MUC6: variants seen among roughly 807,000 people sequenced by gnomAD.
MUC6 encodes mucin-6.
In MUC6, 188 loss-of-function variants were observed where a neutral mutation model predicts 201.5. That is an observed-to-expected ratio of 0.93 (90% CI 0.83 to 1.05). The LOEUF (loss-of-function observed/expected upper bound fraction) is 1.05. MUC6 is among the 50% of genes least tolerant of loss of function. The pLI, the probability that MUC6 is intolerant of heterozygous loss-of-function variation, is 0.00. For missense variants in MUC6, 2,706 were observed against 3,256.9 expected (o/e 0.83, Z 4.12); for synonymous variants, 1,228 against 1,389.4 (o/e 0.88, Z 2.58).
intron 30 of MUC6, 55 bp from the exon 31 acceptor site, chr11:1,018,825 C>G: frequency 6.6e-7 from 1 of 1,517,064 alleles, no homozygotes; most frequent in Non-Finnish European, 8.8e-7. Context: ...CTACCCTGAC[C>G]TCCGCTGGCC....
intron 26 of MUC6, among the ~76,000 whole-genome samples, chr11:1,021,772 C>T (rs1430647144): frequency 1.3e-5 from 2 of 152,078 alleles, no homozygotes; most frequent in African/African-American, 4.8e-5. Flanking sequence ...GTCCTCACCT[C>T]CCCCTGGACC....
chr11:1,024,778 C>G, intron 24 of MUC6, 66 bp downstream of exon 24: 5 of 1,553,794 alleles, frequency 3.2e-6, no homozygotes, highest in Non-Finnish European at 2.6e-6. Flanking sequence ...CTTCCCCGCC[C>G]CTTCCCCCGC....
rs769457523 is a variant in MUC6 at position 1,025,307 on chromosome 11, G to A, written c.2860C>T (p.Gln954Ter). ...YTVTGEEPHVQLGVTPGALSL... is the reference protein window; with the variant it reads ...YTVTGEEPHV ...AGCGCACCCGGCGTCACCCCGAGCT[G>A]CACGTGGGGCTCCTCCCCGGTGACC... The change falls in exon 23 of 33, where the codon CAG becomes TAG. Residue 954 changes from glutamine (Q) to a stop codon, truncating the protein, a stop_gained. Transcript: ENST00000421673. LOFTEE classifies it high-confidence loss of function. The A allele has an allele frequency of 2.0e-5, 33 of 1,612,402 alleles. No homozygotes were observed. Among genetic ancestry groups the A allele is most frequent in the Non-Finnish European group, 2.4e-5 (28 of 1,179,708 alleles).
In MUC6 at chr11:1,034,826, C is replaced by T. The variant is rs1055252523; in HGVS notation, c.53-1751G>A. Among the ~76,000 whole-genome samples, 99 of 152,044 alleles carry T rather than the reference C, an allele frequency of 6.5e-4. 1 individual carries two copies. The highest frequency in any genetic ancestry group is 1.1e-3 in the Non-Finnish European group (75 of 67,962). Reference sequence around the variant, plus strand: ...GCCCCGGGTGGGTGCCTCATTGCTGCACCCCCTGCGCCCCCCGCCGCCCTC... The same window carrying T: ...GCCCCGGGTGGGTGCCTCATTGCTGTACCCCCTGCGCCCCCCGCCGCCCTC... On this transcript the variant is annotated intron_variant, in intron 1 of 32. Coordinates refer to ENST00000421673, the MANE Select transcript of MUC6 (RefSeq NM_005961.3).
rs67341709 is a variant in MUC6, at chr11:1,018,496, G to C, written c.4305C>G (p.Thr1435=). The change falls in exon 31 of 33, where the codon ACC becomes ACG. Residue 1435 remains threonine (T), a synonymous_variant. Coordinates refer to ENST00000421673, the MANE Select transcript of MUC6 (RefSeq NM_005961.3). ...TSFHATTTYP[T]PSHPETTLPT... ...GAAGTGTGGTCTCAGGGTGTGATGG[G>C]GTTGGATAGGTAGTGGTGGCATGGA... 1 of 731,048 alleles carries C rather than the reference G, an allele frequency of 1.4e-6. No individual in the cohort carries two copies. The highest frequency in any genetic ancestry group is 1.9e-5 in the African/African-American group (1 of 51,712). 45.3% of individuals were successfully genotyped at this position (731,048 alleles called of 1,614,324 possible).
intron 26 of MUC6, among the ~76,000 whole-genome samples, chr11:1,021,641 G>C (rs1396851478): frequency 1.4e-4 from 21 of 152,058 alleles, no homozygotes; most frequent in Admixed American, 1.4e-3. Context: ...AGAGTGCTGG[G>C]ATTACAGTTT....
At position 1,018,319 on chromosome 11, in the gene MUC6, C is replaced by CA; in HGVS notation, c.4481_4482insT (p.Ser1495ValfsTer42). 6.2e-7 allele frequency: 1 copy of CA among 1,613,616 alleles called. No homozygotes were observed. Among genetic ancestry groups the CA allele is most frequent in the Non-Finnish European group, 8.5e-7 (1 of 1,179,704 alleles). Reference sequence around the variant, plus strand: ...TTATTGGTGGGGCTGTGTGGGTGGACCCTGTGGCCTTGAGCGTTGTTGGTG... The same window carrying CA: ...TTATTGGTGGGGCTGTGTGGGTGGACACCTGTGGCCTTGAGCGTTGTTGGTG... On this transcript the variant is annotated frameshift_variant, in exon 31 of 33. Coordinates refer to ENST00000421673, the MANE Select transcript of MUC6 (RefSeq NM_005961.3). LOFTEE classifies it high-confidence loss of function.
Position 1,030,334 on chromosome 11 carries a change from G to A in MUC6, c.894C>T (p.Ser298=), listed in dbSNP as rs1385484403. 98 of 1,547,764 alleles carry A rather than the reference G, an allele frequency of 6.3e-5. No individual in the cohort carries two copies. The highest frequency in any genetic ancestry group is 7.5e-5 in the Non-Finnish European group (86 of 1,146,624). The change falls in exon 8 of 33, where the codon TCC becomes TCT. Residue 298 remains serine, a splice_region_variant and synonymous_variant. Coordinates refer to ENST00000421673, the MANE Select transcript of MUC6 (RefSeq NM_005961.3). ...VRRWRSPGLC[S]VGQCPANQVY... is the part of the protein sequence containing the mutation. ...CCTGGTTGGCCGGGCACTGACCCAC[G>A]GCTGTGGGCACACGCGGCTCCGGTG...
Position 1,031,169 on chromosome 11 carries a change from C to A in MUC6, c.574G>T (p.Gly192Cys). 1 of 1,556,080 alleles carries A rather than the reference C, an allele frequency of 6.4e-7. No homozygotes were observed. ...GCCCCCCAGCCCTGCCCCCACCTAC[C>A]CTCCTCACTGACAAACTCGTTGGTC... is the stretch of plus-strand genomic sequence containing the variant. ...KVTNEFVSEE[G>C]KFLEPHKFAA... is the part of the protein sequence containing the mutation. The change falls in exon 5 of 33, where the codon GGC becomes TGC. Residue 192 changes from glycine (G) to cysteine (C), a missense_variant and splice_region_variant. Physicochemically the swap from Gly to Cys is radical, Grantham distance 159 (BLOSUM62 -3). Transcript: ENST00000421673.
chr11:1,020,791 GC>G, intron 27 of MUC6, 57 bp from the exon 28 acceptor site: 3 of 1,588,628 alleles, frequency 1.9e-6, no homozygotes, highest in Non-Finnish European at 2.6e-6. Context: ...ACCCCGTGGG[GC>G]CTCTGGGAGC....
chr11:1,020,740 A>G lies in MUC6; in HGVS notation c.3590-6T>C. The stretch of plus-strand genomic sequence containing the variant: ...CTGCGGCGTGGTGGGCGGCACTGCA[A>G]GAAGATGGGGTCAGCTCCCTGTGGT... On this transcript the variant is annotated splice_polypyrimidine_tract_variant and splice_region_variant and intron_variant, in intron 27 of 32. Coordinates refer to ENST00000421673, the MANE Select transcript of MUC6 (RefSeq NM_005961.3). 1 of 1,612,440 alleles carries G rather than the reference A, an allele frequency of 6.2e-7. No homozygotes were observed. Among genetic ancestry groups the G allele is most frequent in the South Asian group, 1.1e-5 (1 of 91,060 alleles).
At chr11:1,019,177 A>C in intron 30 of MUC6, 98 bp downstream of exon 30, 1 of 1,360,948 alleles carries the variant, frequency 7.3e-7, no homozygotes, top group Non-Finnish European at 1.0e-6. Context: ...CCCTCTGGGA[A>C]ATACGGGGTC....
chr11:1,016,439 A>G lies in MUC6; in HGVS notation c.6362T>C (p.Val2121Ala), dbSNP rs778171996. ...GGAGGACAGCTGATTAGTTGTGGAAACAGGAGTGGTTGCAGAACTCAAGTG... is the reference window on the plus strand; with the variant it reads ...GGAGGACAGCTGATTAGTTGTGGAAGCAGGAGTGGTTGCAGAACTCAAGTG... ...LPHLSSATTP[V>A]STTNQLSSSF... The change falls in exon 31 of 33, where the codon GTT (valine) becomes GCT (alanine). Residue 2121 changes from valine (V) to alanine (A), a missense_variant. By Grantham distance (64) the Val-to-Ala change is moderately conservative (BLOSUM62 0). Transcript: ENST00000421673. 1.1e-5 allele frequency: 17 copies of G among 1,613,768 alleles called. No homozygotes were observed. Among genetic ancestry groups the G allele is most frequent in the Non-Finnish European group, 1.4e-5 (16 of 1,179,862 alleles).
rs774766397 is a variant in MUC6 at position 1,029,369 on chromosome 11, G to A, written c.1137-3C>T. On this transcript the variant is annotated splice_polypyrimidine_tract_variant and splice_region_variant and intron_variant, in intron 9 of 32. Coordinates refer to ENST00000421673, the MANE Select transcript of MUC6 (RefSeq NM_005961.3). ...CCCAGCGGCCCAGGGTGCACCGGCT[G>A]TGGGTGGGCGTGGGGGTAGCGGCAT... The A allele has an allele frequency of 5.0e-6, 8 of 1,594,810 alleles. No homozygotes were observed. The East Asian group carries it at 1.8e-4, about 36-fold the overall frequency.
intron 11 of MUC6, 32 bp downstream of exon 11, chr11:1,029,013 TG>T (rs759696268): frequency 1.1e-5 from 17 of 1,612,736 alleles, no homozygotes; most frequent in Middle Eastern, 1.6e-4. Flanking sequence ...AGCGGAGCCC[TG>T]CTGGCAGGGA....
Position 1,033,133 on chromosome 11 carries a change from G to A in MUC6, c.53-58C>T, listed in dbSNP as rs760983534. ...CTACCCCGTCGTCCCTGAGGGCGCC[G>A]CTCACCTCTGCTCAGGGCTGCTCCG... On this transcript the variant is annotated intron_variant, in intron 1 of 32. Coordinates refer to ENST00000421673, the MANE Select transcript of MUC6 (RefSeq NM_005961.3). The surrounding 1 kb of genome is among the most constrained non-coding windows in gnomAD (Gnocchi z 5.6). 6.0e-6 allele frequency: 9 copies of A among 1,506,626 alleles called. No individual in the cohort carries two copies. Among genetic ancestry groups the A allele is most frequent in the East Asian group, 4.5e-5 (2 of 44,292 alleles). 93.3% of individuals were successfully genotyped at this position (1,506,626 alleles called of 1,614,324 possible). A position where few individuals can be genotyped will look rare whatever the true frequency, so the allele number is the denominator to read the frequency against.
Position 1,016,978 on chromosome 11 carries a change from T to TAGAC in MUC6, c.5822_5823insGTCT (p.His1942SerfsTer159), listed in dbSNP as rs1417038799. 2.2e-6 allele frequency: 2 copies of TAGAC among 903,856 alleles called. No individual in the cohort carries two copies. The highest frequency in any genetic ancestry group is 2.7e-5 in the Admixed American group (1 of 37,290). 56.0% of individuals were successfully genotyped at this position (903,856 alleles called of 1,614,324 possible). ...GGGTTCTGGTGCCTGTACTGGTGTG[T>TAGAC]TTGGGGGTGATGTTGGTGGTAGAAG... On this transcript the variant is annotated frameshift_variant, in exon 31 of 33. Coordinates refer to ENST00000421673, the MANE Select transcript of MUC6 (RefSeq NM_005961.3). LOFTEE classifies it high-confidence loss of function.
In MUC6 at chr11:1,019,547, G is replaced by A. The variant is rs1037941975; in HGVS notation, c.3809-51C>T. On this transcript the variant is annotated intron_variant, in intron 29 of 32. Coordinates refer to ENST00000421673, the MANE Select transcript of MUC6 (RefSeq NM_005961.3). The stretch of plus-strand genomic sequence containing the variant: ...TCCCCTTGCTGTGGGCCTGCATTTC[G>A]AAGGCTTGTGTCCCAGCCCCCTGCC... 96 of 1,526,504 alleles carry A rather than the reference G, an allele frequency of 6.3e-5. No individual in the cohort carries two copies. In the South Asian group the frequency reaches 8.5e-4, roughly 13 times the overall value. 94.6% of individuals were successfully genotyped at this position (1,526,504 alleles called of 1,614,324 possible).
intron 24 of MUC6, among the ~76,000 whole-genome samples, chr11:1,024,381 G>T (rs751440717): frequency 5.3e-5 from 8 of 152,230 alleles, no homozygotes; most frequent in Non-Finnish European, 1.2e-4. Flanking sequence ...CCCACCCAGG[G>T]TCTCTGCTCC....
Sources: gnomAD v4.1 joint callset for allele counts (sites outside exome capture counted in the v4.1 genomes callset) on GRCh38, gnomAD v4.1.1 for gene constraint, Gnocchi (gnomAD v3.1) non-coding constraint, MANE v1.5 for transcripts, NCBI Gene and HGNC (gene_info 2026-07-23, HGNC 2026-07-21) for gene names.